PRKN: variants seen among roughly 807,000 people sequenced by gnomAD.
The protein encoded by PRKN is E3 ubiquitin-protein ligase parkin.
In PRKN, 56 loss-of-function variants were observed where a neutral mutation model predicts 59.5. The observed-to-expected ratio is 0.94, with a 90% CI of 0.76 to 1.18. PRKN has a LOEUF of 1.18. Ranked by LOEUF, PRKN falls within the 50% of genes most tolerant of loss-of-function variation. The pLI is 0.00. For missense variants in PRKN, 657 were observed against 596.4 expected, an observed-to-expected ratio of 1.10 and a Z score of -1.06; for synonymous variants, 250 against 222.1, an observed-to-expected ratio of 1.13 and a Z score of -1.12.
rs1444713676 is a variant in PRKN, at chr6:161,417,790, A to T, written c.1084-30913T>A. On this transcript the variant is annotated intron_variant, in intron 9 of 11. Transcript: ENST00000366898. The surrounding 1 kb of genome is among the most constrained non-coding windows in gnomAD (Gnocchi z 5.4). Reference sequence around the variant, plus strand: ...ACCTAGAGAACCAAATTAGATGAAAATACCAGCTTTTGTAAATCAACAGTG... The same window carrying T: ...ACCTAGAGAACCAAATTAGATGAAATTACCAGCTTTTGTAAATCAACAGTG... Among the ~76,000 whole-genome samples the T allele has an allele frequency of 6.6e-6, 1 of 152,204 alleles. No homozygotes were observed. Among genetic ancestry groups the T allele is most frequent in the Non-Finnish European group, 1.5e-5 (1 of 68,038 alleles).
intron 2 of PRKN, among the ~76,000 whole-genome samples, chr6:162,435,403 G>T (rs903052317): frequency 1.3e-5 from 2 of 150,822 alleles, no homozygotes; most frequent in African/African-American, 2.4e-5. Flanking sequence ...GAGATGTTTT[G>T]TAAGTCCACA....
intron 7 of PRKN, among the ~76,000 whole-genome samples, chr6:161,761,741 G>C (rs1204786347): frequency 1.3e-5 from 2 of 152,278 alleles, no homozygotes; most frequent in African/African-American, 4.8e-5. Flanking sequence ...TATCACCTTA[G>C]GAATTCTATC....
At chr6:162,473,812 G>C (rs1285853909) in intron 1 of PRKN, among the ~76,000 whole-genome samples, 1 of 152,026 alleles carries the variant, frequency 6.6e-6, no homozygotes, top group Non-Finnish European at 1.5e-5. Flanking sequence ...TGTGGAAAGA[G>C]CACAGTTTGC....
chr6:161,836,479 C>A (rs117607025), intron 6 of PRKN, among the ~76,000 whole-genome samples: 42 of 152,230 alleles, frequency 2.8e-4, no homozygotes, highest in African/African-American at 9.4e-4. Flanking sequence ...TCACCTCATA[C>A]GAAGCAAAGC....
intron 9 of PRKN, among the ~76,000 whole-genome samples, chr6:161,493,343 C>G (rs940687162): frequency 2.6e-5 from 4 of 152,250 alleles, no homozygotes; most frequent in African/African-American, 9.6e-5. Flanking sequence ...ATCATTATTC[C>G]ATTTGACCCA....
chr6:161,756,648 A>T (rs527859010), intron 7 of PRKN, among the ~76,000 whole-genome samples: 2 of 150,776 alleles, frequency 1.3e-5, no homozygotes, highest in South Asian at 2.1e-4. Flanking sequence ...TCTTTTTTTT[A>T]AATAGAGATT....
chr6:162,012,256 T>C (rs1782757481), intron 5 of PRKN, among the ~76,000 whole-genome samples: 1 of 152,148 alleles, frequency 6.6e-6, no homozygotes, highest in Admixed American at 6.6e-5. Context: ...AACTCTTACA[T>C]ATTCTTCATC....
intron 6 of PRKN, among the ~76,000 whole-genome samples, chr6:161,805,833 G>T (rs1020153910): frequency 8.5e-5 from 13 of 152,268 alleles, no homozygotes; most frequent in African/African-American, 2.9e-4. Context: ...GCTCCACCTT[G>T]AATAGATGCT....
intron 7 of PRKN, among the ~76,000 whole-genome samples, chr6:161,756,956 C>G (rs1788953248): frequency 6.6e-6 from 1 of 152,150 alleles, no homozygotes; most frequent in African/African-American, 2.4e-5. Context: ...GGCCAACTGA[C>G]TTTCAACAAA....
chr6:161,817,773 C>T (rs1014440912), intron 6 of PRKN, among the ~76,000 whole-genome samples: 3 of 152,152 alleles, frequency 2.0e-5, no homozygotes, highest in Non-Finnish European at 2.9e-5. Flanking sequence ...CACATGATCA[C>T]GAATGACAAC....
intron 9 of PRKN, among the ~76,000 whole-genome samples, chr6:161,478,339 C>G (rs990004942): frequency 6.6e-6 from 1 of 152,024 alleles, no homozygotes; most frequent in Non-Finnish European, 1.5e-5. Flanking sequence ...ATGATTTCCA[C>G]GGGAATGTGA....
intron 7 of PRKN, among the ~76,000 whole-genome samples, chr6:161,652,744 T>A (rs1784196430): frequency 6.6e-6 from 1 of 152,208 alleles, no homozygotes; most frequent in South Asian, 2.1e-4. Flanking sequence ...TTATGTGACT[T>A]TGGAAATTAC....
chr6:162,144,632 T>C (rs1452455257), intron 4 of PRKN, among the ~76,000 whole-genome samples: 1 of 152,160 alleles, frequency 6.6e-6, no homozygotes, highest in Non-Finnish European at 1.5e-5. Flanking sequence ...TGGTTGTAGC[T>C]TCACCACTGC....
Position 161,428,757 on chromosome 6 carries a change from T to G in PRKN, c.1084-41880A>C, listed in dbSNP as rs6455728. Among the ~76,000 whole-genome samples the G allele has an allele frequency of 0.75, 114,420 of 152,126 alleles. 43,147 individuals are homozygous for G. The highest frequency in any genetic ancestry group is 0.88 in the East Asian group (4,549 of 5,176). ...ATTTTTCTGCCTGAGTACCTCTACC[T>G]TGGAAAACCTCCATCTTGTCATATA... On this transcript the variant is annotated intron_variant, in intron 9 of 11. Coordinates refer to ENST00000366898, the MANE Select transcript of PRKN (RefSeq NM_004562.3). This position sits in a 1 kb window ranked among gnomAD's most constrained non-coding sequence, Gnocchi z 4.0.
intron 7 of PRKN, among the ~76,000 whole-genome samples, chr6:161,692,023 A>C (rs1410254479): frequency 1.3e-5 from 2 of 151,246 alleles, no homozygotes; most frequent in East Asian, 3.9e-4. Flanking sequence ...CTCAATTTTT[A>C]TCTCTCTCCA....
chr6:162,321,311 CT>C (rs1358925519), intron 2 of PRKN, among the ~76,000 whole-genome samples: 1 of 151,692 alleles, frequency 6.6e-6, no homozygotes, highest in Non-Finnish European at 1.5e-5. Context: ...ACACAAGGAC[CT>C]ACTAAATTTC....
chr6:161,589,130 G>A (rs1350326833), intron 7 of PRKN, among the ~76,000 whole-genome samples: 2 of 152,188 alleles, frequency 1.3e-5, no homozygotes, highest in Non-Finnish European at 2.9e-5. Context: ...ATAGTATACG[G>A]CATGCCGTCA....
At chr6:162,439,860 A>T (rs1392397136) in intron 2 of PRKN, among the ~76,000 whole-genome samples, 1 of 152,174 alleles carries the variant, frequency 6.6e-6, no homozygotes, top group Non-Finnish European at 1.5e-5. Context: ...AATATGTATT[A>T]ATCAACTGTT....
chr6:162,517,249 AT>A (rs755649567), intron 1 of PRKN, among the ~76,000 whole-genome samples: 2,648 of 136,160 alleles, frequency 0.019, 68 homozygotes, highest in African/African-American at 0.062. Flanking sequence ...GAACCCAGGC[AT>A]TTTTTTTTTT....
Sources: gnomAD v4.1 joint callset for allele counts (sites outside exome capture counted in the v4.1 genomes callset) on GRCh38, gnomAD v4.1.1 for gene constraint, Gnocchi (gnomAD v3.1) non-coding constraint, MANE v1.5 for transcripts, NCBI Gene and HGNC (gene_info 2026-07-23, HGNC 2026-07-21) for gene names.